FAM228B: variants seen among roughly 807,000 people sequenced by gnomAD.
The protein encoded by FAM228B is family with sequence similarity 228 member B.
FAM228B carries 38 observed loss-of-function variants against 42.6 expected under a neutral mutation model. That is an observed-to-expected ratio of 0.89 (90% CI 0.69 to 1.17). FAM228B has a LOEUF of 1.17. Among genes scored for constraint, FAM228B ranks in the 50% most tolerant of loss-of-function variants. The probability of loss-of-function intolerance (pLI) is 0.00; values close to 1 mark genes in which losing one functional copy is unlikely to be tolerated. For synonymous variants in FAM228B, 109 were observed against 122.3 expected (o/e 0.89, Z 0.72); for missense variants, 344 against 367.3 (o/e 0.94, Z 0.52).
chr2:24,091,414 G>C (rs983023712), intron 2 of FAM228B, among the ~76,000 whole-genome samples: 9 of 152,172 alleles, frequency 5.9e-5, no homozygotes, highest in African/African-American at 2.2e-4. Flanking sequence ...CTGGGCAACA[G>C]AGTGAGATTC....
chr2:24,127,898 A>G (rs1266805504), intron 2 of FAM228B, among the ~76,000 whole-genome samples: 1 of 152,162 alleles, frequency 6.6e-6, no homozygotes, highest in Non-Finnish European at 1.5e-5. Flanking sequence ...CCTGGCCTCA[A>G]GTGATCCGCC....
At chr2:24,087,565 C>T (rs752796879) in intron 2 of FAM228B, among the ~76,000 whole-genome samples, 9 of 152,102 alleles carry the variant, frequency 5.9e-5, no homozygotes, top group South Asian at 4.1e-4. Context: ...CAGAAAGACC[C>T]TGGGAAGGGG....
At position 24,082,519 on chromosome 2, in the gene FAM228B, TC is replaced by T. The variant is rs573415518; in HGVS notation, c.-210+1567del. On this transcript the variant is annotated intron_variant, in intron 2 of 10. Coordinates refer to the FAM228B transcript ENST00000613899. ...AGGCAAGGACCAAGTCTTCTTAGAT[TC>T]CCTTATGTGAGTTCTTGACTGGCCT... Among the ~76,000 whole-genome samples the T allele has an allele frequency of 7.9e-5, 12 of 152,330 alleles. No homozygotes were observed. In the South Asian group the frequency reaches 2.5e-3, roughly 32 times the overall value.
intron 7 of FAM228B, among the ~76,000 whole-genome samples, chr2:24,154,222 A>T (rs78422733): frequency 6.6e-6 from 1 of 152,216 alleles, no homozygotes; most frequent in South Asian, 2.1e-4. Context: ...GTGCAGATAG[A>T]TGTTCAAATT....
chr2:24,132,840 T>G (rs1344444841), intron 2 of FAM228B, among the ~76,000 whole-genome samples: 2 of 152,194 alleles, frequency 1.3e-5, no homozygotes, highest in Admixed American at 6.5e-5. Context: ...ATCTCCAAAC[T>G]TGTCTTTCCT....
intron 2 of FAM228B, among the ~76,000 whole-genome samples, chr2:24,134,631 G>A (rs1213712709): frequency 6.6e-6 from 1 of 152,244 alleles, no homozygotes; most frequent in African/African-American, 2.4e-5. Flanking sequence ...GTAGCCAAGA[G>A]CAGACAGATC....
intron 2 of FAM228B, among the ~76,000 whole-genome samples, chr2:24,086,164 G>A (rs1358750916): frequency 6.7e-6 from 1 of 150,222 alleles, no homozygotes; most frequent in African/African-American, 2.4e-5. Context: ...GAACCCGGGA[G>A]GGGGAGCTTG....
intron 3 of FAM228B, among the ~76,000 whole-genome samples, chr2:24,112,776 G>A (rs1272824326): frequency 6.6e-6 from 1 of 151,932 alleles, no homozygotes; most frequent in African/African-American, 2.4e-5. Context: ...TTCTATTTTG[G>A]CTCTATCCAT....
intron 2 of FAM228B, among the ~76,000 whole-genome samples, chr2:24,081,798 CCATT>C (rs1480146488): frequency 6.7e-6 from 1 of 150,034 alleles, no homozygotes; most frequent in East Asian, 2.0e-4. Context: ...TGCGTTCATG[CCATT>C]CTCTTGCCTC....
chr2:24,167,448 G>C (rs1667450264), intron 9 of FAM228B, among the ~76,000 whole-genome samples, 179 bp from the exon 10 acceptor site: 1 of 151,866 alleles, frequency 6.6e-6, no homozygotes, highest in South Asian at 2.1e-4. Context: ...TGTGATTTTA[G>C]AGCAAATGAA....
At chr2:24,140,418 T>C (rs1441068333) in intron 5 of FAM228B, among the ~76,000 whole-genome samples, 1 of 152,010 alleles carries the variant, frequency 6.6e-6, no homozygotes, top group African/African-American at 2.4e-5. Flanking sequence ...CTCAAGCGAT[T>C]TGTCCTCCTT....
At chr2:24,109,376 A>G (rs1156280184) in intron 3 of FAM228B, among the ~76,000 whole-genome samples, 2 of 152,196 alleles carry the variant, frequency 1.3e-5, no homozygotes, top group African/African-American at 4.8e-5. Flanking sequence ...CATTCTGGAC[A>G]TAGGACTTGG....
At chr2:24,157,660 C>T (rs1225326619) in intron 7 of FAM228B, among the ~76,000 whole-genome samples, 1 of 151,756 alleles carries the variant, frequency 6.6e-6, no homozygotes, top group Non-Finnish European at 1.5e-5. Context: ...ATTGCTTGAA[C>T]CTGGGAGGCA....
Position 24,139,506 on chromosome 2 carries a change from A to C in FAM228B, c.441+56A>C, listed in dbSNP as rs1052347131. 7.5e-6 allele frequency: 8 copies of C among 1,065,768 alleles called. No homozygotes were observed. The African/African-American group carries it at 1.3e-4, about 17-fold the overall frequency. 66.0% of individuals were successfully genotyped at this position (1,065,768 alleles called of 1,614,324 possible). A position where few individuals can be genotyped will look rare whatever the true frequency, so the allele number is the denominator to read the frequency against. On this transcript the variant is annotated intron_variant, in intron 5 of 10. Coordinates refer to ENST00000615575, the MANE Select transcript of FAM228B (RefSeq NM_001145710.2). ...TATTATGTGTTTGGTTGTTTTGAGC[A>C]GCCCTAATATATGAGCAGTCCTTAA...
At chr2:24,163,147 C>A (rs1667321764) in intron 8 of FAM228B, among the ~76,000 whole-genome samples, 1 of 152,174 alleles carries the variant, frequency 6.6e-6, no homozygotes, top group Non-Finnish European at 1.5e-5. Context: ...GCTTTTATGA[C>A]TTTCTAGGAG....
At chr2:24,096,014 C>T (rs1305670193) in intron 3 of FAM228B, 1 of 152,340 alleles carries the variant, frequency 6.6e-6, no homozygotes, top group Admixed American at 6.5e-5. Flanking sequence ...CTCCAGCAAA[C>T]TCCAACCGAC....
intron 3 of FAM228B, among the ~76,000 whole-genome samples, chr2:24,136,555 G>A (rs1022065233): frequency 7.2e-5 from 11 of 152,096 alleles, no homozygotes; most frequent in African/African-American, 2.7e-4. Flanking sequence ...TAGAGACGGA[G>A]TCTGACTATT....
In FAM228B at chr2:24,146,848, T is replaced by C; in HGVS notation, c.529+13T>C. 3 of 1,540,876 alleles carry C rather than the reference T, an allele frequency of 1.9e-6. No individual in the cohort carries two copies. The South Asian group carries it at 3.6e-5, about 18-fold the overall frequency. Reference sequence around the variant, plus strand: ...CAGTGTGAGACTGGTACTTAGTTCCTAATTGTTATGTGATTTCATAGCCCA... The same window carrying C: ...CAGTGTGAGACTGGTACTTAGTTCCCAATTGTTATGTGATTTCATAGCCCA... On this transcript the variant is annotated intron_variant, in intron 6 of 10. Coordinates refer to ENST00000615575, the MANE Select transcript of FAM228B (RefSeq NM_001145710.2).
intron 7 of FAM228B, among the ~76,000 whole-genome samples, chr2:24,158,215 C>CTTTTTTTTTTTTTTTTTAA (rs1335914110): frequency 1.1e-4 from 1 of 9,176 alleles, no homozygotes; most frequent in Non-Finnish European, 1.9e-4. Context: ...TTTTTTTTTC[C>CTTTTTTTTTTTTTTTTTAA]AAAACATTGT....
Sources: allele counts gnomAD v4.1 joint callset (sites outside exome capture counted in the v4.1 genomes callset), GRCh38; gene constraint gnomAD v4.1.1; transcripts MANE v1.5; gene names NCBI Gene and HGNC (gene_info 2026-07-23, HGNC 2026-07-21).